Variants in ZNF217 observed in about 807,000 individuals in gnomAD.
ZNF217 encodes the protein zinc finger protein 217.
In ZNF217, 12 loss-of-function variants were observed where a neutral mutation model predicts 73.3. The ratio of observed to expected loss-of-function variants is 0.16; its 90% confidence interval spans 0.10 to 0.27. The LOEUF (loss-of-function observed/expected upper bound fraction) is 0.27. Ranked by LOEUF, ZNF217 falls within the 10% of genes least tolerant of loss-of-function variation. ZNF217 has a pLI of 1.00. For synonymous variants in ZNF217, 588 were observed against 516.4 expected, an observed-to-expected ratio of 1.14 and a Z score of -1.88; for missense variants, 1,195 against 1,327.8, an observed-to-expected ratio of 0.90 and a Z score of 1.55.
chr20:53,567,518 C>T lies in ZNF217; in HGVS notation c.*1770G>A, dbSNP rs561463262. 1.3e-4 allele frequency: 20 copies of T among 152,538 alleles called. 1 individual carries two copies. Among genetic ancestry groups the T allele is most frequent in the Non-Finnish European group, 1.5e-4 (10 of 68,042 alleles). 9.4% of individuals were successfully genotyped at this position (152,538 alleles called of 1,614,324 possible). A position where few individuals can be genotyped will look rare whatever the true frequency, so the allele number is the denominator to read the frequency against. ...AATTCCAGCCCTCTATTATCACATA[C>T]CCCCTTTAAGATTTATGGTTCTAGT... On this transcript the variant is annotated 3_prime_UTR_variant, in exon 6 of 6. Coordinates refer to ENST00000371471, the MANE Select transcript of ZNF217 (RefSeq NM_006526.3).
intron 1 of ZNF217, among the ~76,000 whole-genome samples, chr20:53,589,880 C>G (rs1170897443): frequency 6.6e-6 from 1 of 150,784 alleles, no homozygotes; most frequent in Non-Finnish European, 1.5e-5. Context: ...CTTCCATGTG[C>G]GTTTAAATTT....
chr20:53,577,395 T>A, intron 3 of ZNF217, 115 bp from the exon 4 acceptor site: 2 of 901,112 alleles, frequency 2.2e-6, no homozygotes, highest in Non-Finnish European at 3.3e-6. Context: ...CTCGATCTAC[T>A]ATCACATAGG....
chr20:53,576,876 A>T lies in ZNF217; in HGVS notation c.1888T>A (p.Ser630Thr), dbSNP rs1371041414. The T allele has an allele frequency of 1.9e-6, 3 of 1,614,094 alleles. No homozygotes were observed. Among genetic ancestry groups the T allele is most frequent in the Non-Finnish European group, 2.5e-6 (3 of 1,180,010 alleles). Residue 630 changes from serine (S) to threonine (T), a missense_variant, in exon 4 of 6, where the codon TCA becomes ACA. Transcript: ENST00000371471. Reference sequence around the variant, plus strand: ...TTATTTGCCTGAGTTTCAACTGCTGATCTCTTTTTTAACAGGTCCAGGTAA... The same window carrying T: ...TTATTTGCCTGAGTTTCAACTGCTGTTCTCTTTTTTAACAGGTCCAGGTAA... ...PAYLDLLKKR[S>T]AVETQANNLI...
Position 53,568,159 on chromosome 20 carries a change from G to A in ZNF217, c.*1129C>T, listed in dbSNP as rs540849079. The A allele has an allele frequency of 3.3e-5, 5 of 152,180 alleles. No homozygotes were observed. Among genetic ancestry groups the A allele is most frequent in the African/African-American group, 7.2e-5 (3 of 41,512 alleles). The allele number at this position is 152,180 out of a possible 1,614,324, so 9.4% of individuals were successfully genotyped here. On this transcript the variant is annotated 3_prime_UTR_variant, in exon 6 of 6. Coordinates refer to ENST00000371471, the MANE Select transcript of ZNF217 (RefSeq NM_006526.3). ...CTCTTTCTAGACTCCCAGCGGGCTCGGCCAGCAGTTCCTTATTCAAAATCA... is the reference window on the plus strand; with the variant it reads ...CTCTTTCTAGACTCCCAGCGGGCTCAGCCAGCAGTTCCTTATTCAAAATCA...
intron 2 of ZNF217, among the ~76,000 whole-genome samples, chr20:53,578,692 T>C (rs77938311): frequency 7.0e-4 from 106 of 152,358 alleles, no homozygotes; most frequent in African/African-American, 2.5e-3. Context: ...GAGTACACTA[T>C]TAAACATTCA....
At chr20:53,584,921 G>A (rs1262701731) in intron 1 of ZNF217, among the ~76,000 whole-genome samples, 1 of 151,926 alleles carries the variant, frequency 6.6e-6, no homozygotes, top group Non-Finnish European at 1.5e-5. Context: ...TTCTGACAAC[G>A]CTGTTTTCCC....
At chr20:53,575,176 T>C (rs1196219941) in intron 4 of ZNF217, 1 of 152,096 alleles carries the variant, frequency 6.6e-6, no homozygotes, top group African/African-American at 2.4e-5. Flanking sequence ...AATCCCTGTC[T>C]CTACAAAAAA....
In ZNF217 at chr20:53,571,704, T is replaced by C. The variant is rs1439233961; in HGVS notation, c.*23+17A>G. On this transcript the variant is annotated intron_variant, in intron 5 of 5. Coordinates refer to ENST00000371471, the MANE Select transcript of ZNF217 (RefSeq NM_006526.3). ...CACTCAGCCAATCCAGTGTTTTTAATTGAAACATATGCTCACCTTTTTTCC... is the reference window on the plus strand; with the variant it reads ...CACTCAGCCAATCCAGTGTTTTTAACTGAAACATATGCTCACCTTTTTTCC... 1.9e-6 allele frequency: 3 copies of C among 1,604,826 alleles called. No individual in the cohort carries two copies. Among genetic ancestry groups the C allele is most frequent in the South Asian group, 1.1e-5 (1 of 89,328 alleles).
chr20:53,578,816 A>G (rs1053978042), intron 2 of ZNF217, among the ~76,000 whole-genome samples: 4 of 152,248 alleles, frequency 2.6e-5, no homozygotes, highest in South Asian at 2.1e-4. Flanking sequence ...GAAGGTGGAC[A>G]TACATACTGG....
intron 2 of ZNF217, among the ~76,000 whole-genome samples, chr20:53,580,196 G>A (rs1002630199): frequency 2.4e-4 from 36 of 152,188 alleles, no homozygotes; most frequent in African/African-American, 8.2e-4. Flanking sequence ...CAGTTCTCAC[G>A]TCAATCACAT....
Position 53,576,875 on chromosome 20 carries a change from G to A in ZNF217, c.1889C>T (p.Ser630Leu), listed in dbSNP as rs1988297402. The A allele has an allele frequency of 6.2e-7, 1 of 1,614,034 alleles. No individual in the cohort carries two copies. The highest frequency in any genetic ancestry group is 1.3e-5 in the African/African-American group (1 of 74,894). The change falls in exon 4 of 6, where the codon TCA becomes TTA. Residue 630 changes from serine to leucine, a missense_variant. Ser to Leu is a moderately radical substitution (Grantham distance 145). Around this residue, in one of 9 missense-constraint regions of ZNF217, gnomAD observed 649 missense variants for 642.8 expected, o/e 1.01. Transcript: ENST00000371471. ...GTTATTTGCCTGAGTTTCAACTGCT[G>A]ATCTCTTTTTTAACAGGTCCAGGTA... is the stretch of plus-strand genomic sequence containing the variant. ...PAYLDLLKKR[S>L]AVETQANNLI... is the part of the protein sequence containing the mutation.
Position 53,582,102 on chromosome 20 carries a change from G to GTT in ZNF217, c.723_724dup (p.Thr242LysfsTer31). 1 of 1,614,206 alleles carries GTT rather than the reference G, an allele frequency of 6.2e-7. No homozygotes were observed. On this transcript the variant is annotated frameshift_variant, in exon 2 of 6. Transcript: ENST00000371471. LOFTEE classifies it high-confidence loss of function. This position sits in a 1 kb window ranked among gnomAD's most constrained non-coding sequence, Gnocchi z 4.8. ...CTGCGCGCTGCTGGTACCGAAAGCA[G>GTT]TTTTTTTGGTGTGCACCTTGCGGTG...
rs1457420117 is a variant in ZNF217, at chr20:53,576,147, G to A, written c.2617C>T (p.Leu873Phe). The A allele has an allele frequency of 6.2e-7, 1 of 1,614,252 alleles. No homozygotes were observed. The highest frequency in any genetic ancestry group is 8.5e-7 in the Non-Finnish European group (1 of 1,180,050). The change falls in exon 4 of 6, where the codon CTC becomes TTC. Residue 873 changes from leucine to phenylalanine, a missense_variant. Coordinates refer to ENST00000371471, the MANE Select transcript of ZNF217 (RefSeq NM_006526.3). ...PLPVAPSQPT[L>F]GSSNINGSID... ...GAACCATTGATGTTACTGCTGCCGA[G>A]GGTGGGCTGAGAAGGAGCTACTGGA...
upstream of ZNF217, among the ~76,000 whole-genome samples, chr20:53,594,557 GC>G (rs1182243193): frequency 6.6e-6 from 1 of 151,578 alleles, no homozygotes; most frequent in East Asian, 1.9e-4. Flanking sequence ...CGCGCCCCCC[GC>G]CCCGCACCCC....
chr20:53,571,679 C>A (rs1198750731), intron 5 of ZNF217, 42 bp downstream of exon 5: 1 of 1,581,612 alleles, frequency 6.3e-7, no homozygotes, highest in Non-Finnish European at 8.6e-7. Context: ...ATGGCCACCG[C>A]ACTCAGCCAA....
chr20:53,590,201 T>G (rs1186656482), intron 1 of ZNF217, among the ~76,000 whole-genome samples: 8 of 152,250 alleles, frequency 5.3e-5, no homozygotes, highest in Non-Finnish European at 2.9e-5. Flanking sequence ...CTGTCTCATG[T>G]TTTTCATTCC....
At position 53,568,399 on chromosome 20, in the gene ZNF217, A is replaced by C. The variant is rs1987835942; in HGVS notation, c.*889T>G. The C allele has an allele frequency of 6.6e-6, 1 of 152,228 alleles. No homozygotes were observed. 9.4% of individuals were successfully genotyped at this position (152,228 alleles called of 1,614,324 possible). ...CTGAATCGTCCAACAAAAATGATTA[A>C]TTTGACAGAAACAAATTTAAATAAC... On this transcript the variant is annotated 3_prime_UTR_variant, in exon 6 of 6. Transcript: ENST00000371471.
Position 53,575,719 on chromosome 20 carries a change from T to C in ZNF217, c.3037+8A>G, listed in dbSNP as rs760181222. On this transcript the variant is annotated splice_region_variant and intron_variant, in intron 4 of 5. Transcript: ENST00000371471. ...AGCCATTTAAACACGACGCCCCTCA[T>C]GCAATACCTTCTAACGTCGAGCTGG... The C allele has an allele frequency of 1.9e-6, 3 of 1,558,820 alleles. No individual in the cohort carries two copies.
intron 4 of ZNF217, 145 bp from the exon 5 acceptor site, chr20:53,571,998 A>G: frequency 3.8e-6 from 3 of 792,156 alleles, no homozygotes; most frequent in East Asian, 3.1e-5. Flanking sequence ...AAGTGTTTTC[A>G]GTTACAGCTG....
Sources: allele counts gnomAD v4.1 joint callset (sites outside exome capture counted in the v4.1 genomes callset), GRCh38; gene constraint gnomAD v4.1.1; regional missense constraint gnomAD v4.1.1; non-coding constraint Gnocchi (gnomAD v3.1); transcripts MANE v1.5; gene names NCBI Gene and HGNC (gene_info 2026-07-23, HGNC 2026-07-21).